Variants in PARD3B observed in about 807,000 individuals in gnomAD.
PARD3B encodes partitioning defective 3 homolog B.
In PARD3B, 103 loss-of-function variants were observed where a neutral mutation model predicts 130.2. That is an observed-to-expected ratio of 0.79 (90% CI 0.67 to 0.93). The LOEUF (loss-of-function observed/expected upper bound fraction) is 0.93, where lower values mean the gene tolerates loss of function less well. Among genes scored for constraint, PARD3B ranks in the 40% least tolerant of loss-of-function variants. PARD3B has a pLI of 0.00. For missense variants in PARD3B, 1,609 were observed against 1,499.2 expected, an observed-to-expected ratio of 1.07 and a Z score of -1.21; for synonymous variants, 583 against 553.2, an observed-to-expected ratio of 1.05 and a Z score of -0.76.
intron 20 of PARD3B, among the ~76,000 whole-genome samples, chr2:205,469,369 C>T (rs903250858): frequency 1.2e-4 from 19 of 152,080 alleles, no homozygotes; most frequent in African/African-American, 4.6e-4. Context: ...ATCATGATGC[C>T]ATGATTCTTT....
intron 3 of PARD3B, among the ~76,000 whole-genome samples, chr2:204,990,107 G>T (rs867657454): frequency 4.0e-5 from 6 of 151,770 alleles, no homozygotes; most frequent in African/African-American, 1.5e-4. Flanking sequence ...TTAAATTTTC[G>T]CCAATTTTAT....
chr2:204,955,042 TA>T (rs1458266013), intron 2 of PARD3B, among the ~76,000 whole-genome samples: 1 of 152,320 alleles, frequency 6.6e-6, no homozygotes, highest in East Asian at 1.9e-4. Flanking sequence ...CTTGTCAAAA[TA>T]AATGAATAGT....
intron 20 of PARD3B, among the ~76,000 whole-genome samples, chr2:205,481,842 T>A (rs993461574): frequency 2.0e-5 from 3 of 152,170 alleles, no homozygotes; most frequent in Non-Finnish European, 2.9e-5. Context: ...CCATCTCTAA[T>A]GAGCACAGAG....
chr2:204,776,662 C>T (rs973925577), intron 2 of PARD3B, among the ~76,000 whole-genome samples: 6 of 151,506 alleles, frequency 4.0e-5, no homozygotes, highest in East Asian at 2.0e-4. Context: ...ACTTGCCTAC[C>T]GTTCTGTGGT....
At position 205,164,473 on chromosome 2, in the gene PARD3B, T is replaced by TA. The variant is rs111648486; in HGVS notation, c.1620+5572dup. 2.2e-3 allele frequency among the ~76,000 whole-genome samples: 339 copies of TA among 152,232 alleles called. 7 individuals carry two copies. The East Asian group carries it at 0.032, about 14-fold the overall frequency. Reference sequence around the variant, plus strand: ...CACAGCGAGACCCCATCTCTTTTTTTAAAAAATCCCATAATTCCAGCATCT... The same window carrying TA: ...CACAGCGAGACCCCATCTCTTTTTTTAAAAAAATCCCATAATTCCAGCATCT... On this transcript the variant is annotated intron_variant, in intron 11 of 22. Coordinates refer to ENST00000406610, the MANE Select transcript of PARD3B (RefSeq NM_001302769.2).
At chr2:204,766,521 G>A (rs1347718569) in intron 2 of PARD3B, among the ~76,000 whole-genome samples, 1 of 151,928 alleles carries the variant, frequency 6.6e-6, no homozygotes, top group Non-Finnish European at 1.5e-5. Flanking sequence ...AAATTTTAGT[G>A]TACTATACTC....
chr2:205,275,837 CAAAAAAAAAAAAAAAA>C (rs59238795), intron 16 of PARD3B, among the ~76,000 whole-genome samples: 1 of 60,652 alleles, frequency 1.6e-5, no homozygotes, highest in Non-Finnish European at 3.1e-5. Context: ...AACTTTGTCT[CAAAAAAAAAAAAAAAA>C]AAAAAAAAAG....
rs2041177623 is a variant in PARD3B, at chr2:205,281,271, A to G, written c.2186-19259A>G. On this transcript the variant is annotated intron_variant, in intron 16 of 22. Transcript: ENST00000406610. This position sits in a 1 kb window ranked among gnomAD's most constrained non-coding sequence, Gnocchi z 4.2. ...GGATGATCATGTTAAATAAACATCT[A>G]CTTTAGCATCTCAGGTACTGAAAAG... Among the ~76,000 whole-genome samples the G allele has an allele frequency of 1.3e-5, 2 of 152,220 alleles. No individual in the cohort carries two copies. Among genetic ancestry groups the G allele is most frequent in the Non-Finnish European group, 2.9e-5 (2 of 68,034 alleles).
Position 205,550,984 on chromosome 2 carries a change from C to T in PARD3B, c.3181-2340C>T, listed in dbSNP as rs199768608. ...ATATATATATATATATATACACACACACACACACACACACACACATAATCT... is the reference window on the plus strand; with the variant it reads ...ATATATATATATATATATACACACATACACACACACACACACACATAATCT... On this transcript the variant is annotated intron_variant, in intron 21 of 22. Coordinates refer to ENST00000406610, the MANE Select transcript of PARD3B (RefSeq NM_001302769.2). This position sits in a 1 kb window ranked among gnomAD's most constrained non-coding sequence, Gnocchi z 4.5. Among the ~76,000 whole-genome samples the T allele has an allele frequency of 0.34, 31,077 of 90,294 alleles. 4,810 individuals carry two copies. The highest frequency in any genetic ancestry group is 0.47 in the Middle Eastern group (72 of 152). The allele number at this position is 90,294 out of a possible 152,430, so 59.2% of individuals were successfully genotyped here.
intron 18 of PARD3B, among the ~76,000 whole-genome samples, chr2:205,354,253 A>C (rs2044103811): frequency 6.6e-6 from 1 of 151,290 alleles, no homozygotes; most frequent in African/African-American, 2.4e-5. Context: ...AGTGGTTAGG[A>C]TTCGGCACTC....
At chr2:205,412,888 T>G (rs962521977) in intron 19 of PARD3B, among the ~76,000 whole-genome samples, 2 of 152,204 alleles carry the variant, frequency 1.3e-5, no homozygotes, top group Non-Finnish European at 1.5e-5. Flanking sequence ...GTTGCTTGAT[T>G]GTGGTAATTT....
In PARD3B at chr2:205,292,880, C is replaced by CA. The variant is rs1365415514; in HGVS notation, c.2186-7644dup. ...TAGGACCAAGCACAGTTATGAGCCA[C>CA]AAAAAATACCCAGTAAATAATTGTC... On this transcript the variant is annotated intron_variant, in intron 16 of 22. Coordinates refer to ENST00000406610, the MANE Select transcript of PARD3B (RefSeq NM_001302769.2). This position sits in a 1 kb window ranked among gnomAD's most constrained non-coding sequence, Gnocchi z 5.3. 1.3e-5 allele frequency among the ~76,000 whole-genome samples: 2 copies of CA among 152,108 alleles called. No homozygotes were observed. Among genetic ancestry groups the CA allele is most frequent in the Non-Finnish European group, 1.5e-5 (1 of 68,020 alleles).
At chr2:204,836,853 G>A (rs2044054239) in intron 2 of PARD3B, among the ~76,000 whole-genome samples, 1 of 151,836 alleles carries the variant, frequency 6.6e-6, no homozygotes, top group African/African-American at 2.4e-5. Context: ...TTCCTTTATG[G>A]TTGTTTTTAT....
chr2:205,261,146 A>T (rs1322527408), intron 16 of PARD3B, among the ~76,000 whole-genome samples: 1 of 152,082 alleles, frequency 6.6e-6, no homozygotes, highest in East Asian at 1.9e-4. Flanking sequence ...TCTATCCAAG[A>T]TCTATTTGTG....
rs796567936 is a variant in PARD3B at position 205,550,955 on chromosome 2, G to GTGTATA, written c.3181-2368_3181-2367insGTATAT. Among the ~76,000 whole-genome samples the GTGTATA allele has an allele frequency of 9.4e-4, 89 of 94,442 alleles. No homozygotes were observed. The highest frequency in any genetic ancestry group is 2.3e-3 in the African/African-American group (61 of 26,400). The allele number at this position is 94,442 out of a possible 152,430, so 62.0% of individuals were successfully genotyped here. ...TGTGTGTGTGTGTATATATATATGT[G>GTGTATA]TATATATATATATATATATATACAC... is the stretch of plus-strand genomic sequence containing the variant. On this transcript the variant is annotated intron_variant, in intron 21 of 22. Coordinates refer to ENST00000406610, the MANE Select transcript of PARD3B (RefSeq NM_001302769.2). The surrounding 1 kb of genome is among the most constrained non-coding windows in gnomAD (Gnocchi z 4.5).
intron 2 of PARD3B, among the ~76,000 whole-genome samples, chr2:204,754,410 G>A (rs774373603): frequency 5.3e-5 from 8 of 152,156 alleles, no homozygotes; most frequent in Non-Finnish European, 8.8e-5. Flanking sequence ...TCTGAGCACT[G>A]TCTGTCAATA....
At chr2:204,620,629 A>G (rs892000955) in intron 1 of PARD3B, among the ~76,000 whole-genome samples, 1 of 152,184 alleles carries the variant, frequency 6.6e-6, no homozygotes, top group Non-Finnish European at 1.5e-5. Context: ...AAGGTGTTAG[A>G]GTCAAGTCTG....
intron 22 of PARD3B, among the ~76,000 whole-genome samples, chr2:205,601,918 T>C (rs969588536): frequency 2.0e-5 from 3 of 152,174 alleles, no homozygotes; most frequent in Admixed American, 6.5e-5. Context: ...CTGTGTTGAA[T>C]AGGAGTGGTG....
At position 204,889,864 on chromosome 2, in the gene PARD3B, C is replaced by T. The variant is rs1009654225; in HGVS notation, c.223-75288C>T. On this transcript the variant is annotated intron_variant, in intron 2 of 22. Coordinates refer to ENST00000406610, the MANE Select transcript of PARD3B (RefSeq NM_001302769.2). ...GTTAGGACTCTTCCAGAGTAACATA[C>T]GGAAAGTTTCTTTTCCGTGAAATAA... 4.7e-5 allele frequency among the ~76,000 whole-genome samples: 7 copies of T among 149,648 alleles called. No individual in the cohort carries two copies. The East Asian group carries it at 7.9e-4, about 17-fold the overall frequency.
Sources: allele counts gnomAD v4.1 joint callset (sites outside exome capture counted in the v4.1 genomes callset), GRCh38; gene constraint gnomAD v4.1.1; non-coding constraint Gnocchi (gnomAD v3.1); transcripts MANE v1.5; gene names NCBI Gene and HGNC (gene_info 2026-07-23, HGNC 2026-07-21).